SOX5: variants seen among roughly 807,000 people sequenced by gnomAD.
SOX5 encodes SRY-box transcription factor 5, also known as transcription factor SOX-5.
Under a neutral mutation model 92.0 loss-of-function variants are expected in SOX5, and 9 were observed. The observed-to-expected ratio is 0.10, with a 90% confidence interval of 0.06 to 0.17. SOX5 has a LOEUF of 0.17. Ranked by LOEUF, SOX5 falls within the 10% of genes least tolerant of loss-of-function variation. The pLI, the probability that SOX5 is intolerant of heterozygous loss-of-function variation, is 1.00. For missense variants in SOX5, 642 were observed against 944.5 expected (o/e 0.68, Z 4.20); for synonymous variants, 344 against 336.3 (o/e 1.02, Z -0.25).
chr12:24,330,947 G>A (rs961418333), intron 2 of SOX5, among the ~76,000 whole-genome samples: 1 of 152,230 alleles, frequency 6.6e-6, no homozygotes, highest in Admixed American at 6.5e-5. Flanking sequence ...TACAATGACT[G>A]ATGAAGCAGC....
intron 2 of SOX5, among the ~76,000 whole-genome samples, chr12:23,848,373 A>G (rs1012266369): frequency 1.3e-5 from 2 of 152,224 alleles, no homozygotes; most frequent in African/African-American, 4.8e-5. Context: ...AGTATATTTC[A>G]CAAGTATTCT....
At chr12:23,977,149 T>G (rs965598553) in intron 4 of SOX5, among the ~76,000 whole-genome samples, 2 of 152,218 alleles carry the variant, frequency 1.3e-5, no homozygotes, top group African/African-American at 4.8e-5. Flanking sequence ...CATCTATAAT[T>G]TAATGTAAAT....
intron 1 of SOX5, among the ~76,000 whole-genome samples, chr12:24,462,519 C>T (rs781281904): frequency 1.3e-5 from 2 of 152,156 alleles, no homozygotes; most frequent in Non-Finnish European, 2.9e-5. Context: ...GCTAAAGACT[C>T]ACATTTAAAT....
intron 1 of SOX5, among the ~76,000 whole-genome samples, chr12:24,525,862 A>T (rs546298836): frequency 6.6e-6 from 1 of 152,158 alleles, no homozygotes; most frequent in East Asian, 1.9e-4. Context: ...CTCAAAAAAA[A>T]AAAAGAGTAG....
chr12:23,950,010 C>T (rs138752910), upstream of SOX5, among the ~76,000 whole-genome samples: 2 of 151,854 alleles, frequency 1.3e-5, no homozygotes, highest in Non-Finnish European at 2.9e-5. Flanking sequence ...TCATTTAACA[C>T]GTCTCCCATA....
chr12:24,391,332 A>G (rs1158375528), intron 1 of SOX5, among the ~76,000 whole-genome samples: 1 of 152,170 alleles, frequency 6.6e-6, no homozygotes, highest in Non-Finnish European at 1.5e-5. Flanking sequence ...GTTTTGACCA[A>G]CTTAGATCCT....
At chr12:24,180,141 C>T (rs1203728032) in intron 4 of SOX5, among the ~76,000 whole-genome samples, 1 of 151,944 alleles carries the variant, frequency 6.6e-6, no homozygotes, top group Non-Finnish European at 1.5e-5. Flanking sequence ...ATGTTTTGTA[C>T]AGATGGGGTC....
chr12:24,030,772 A>G (rs1955415634), intron 4 of SOX5, among the ~76,000 whole-genome samples: 1 of 152,098 alleles, frequency 6.6e-6, no homozygotes, highest in South Asian at 2.1e-4. Flanking sequence ...GGAATGAGAG[A>G]CAATATTTGC....
intron 6 of SOX5, among the ~76,000 whole-genome samples, chr12:23,671,674 A>G (rs2084804193): frequency 6.6e-6 from 1 of 152,212 alleles, no homozygotes; most frequent in Admixed American, 6.5e-5. Context: ...GTCTTTAGGA[A>G]AAATTAAAAA....
At chr12:23,857,989 C>A (rs1407513216) in intron 2 of SOX5, among the ~76,000 whole-genome samples, 1 of 152,122 alleles carries the variant, frequency 6.6e-6, no homozygotes, top group Non-Finnish European at 1.5e-5. Context: ...CTGCCTCGGC[C>A]TCCCAAAGTG....
chr12:23,896,124 G>A (rs1403319509), intron 1 of SOX5, 100 bp from the exon 2 acceptor site: 7 of 798,374 alleles, frequency 8.8e-6, no homozygotes, highest in Non-Finnish European at 1.5e-5. Flanking sequence ...ATGCCTTTTT[G>A]TGCTAGCAGA....
At position 23,737,917 on chromosome 12, in the gene SOX5, A is replaced by ATTTAAAAGAATC. The variant is rs748876014; in HGVS notation, c.741+2949_741+2950insGATTCTTTTAAA. On this transcript the variant is annotated intron_variant, in intron 5 of 14. Transcript: ENST00000451604. The stretch of plus-strand genomic sequence containing the variant: ...CCCTGAGCACCCATTTTAAAAGAAC[A>ATTTAAAAGAATC]TATTCCCATAGATAATACCCTCATC... Among the ~76,000 whole-genome samples, 401 of 152,360 alleles carry ATTTAAAAGAATC rather than the reference A, an allele frequency of 2.6e-3. 3 individuals are homozygous for ATTTAAAAGAATC. The highest frequency in any genetic ancestry group is 0.01 in the Middle Eastern group (3 of 294).
intron 4 of SOX5, among the ~76,000 whole-genome samples, chr12:23,993,201 A>G (rs201823948): frequency 6.6e-6 from 1 of 152,192 alleles, no homozygotes; most frequent in East Asian, 1.9e-4. Context: ...TGAGATAGAT[A>G]ATCAATGAAA....
intron 1 of SOX5, among the ~76,000 whole-genome samples, chr12:24,530,938 T>C (rs1407074357): frequency 6.6e-6 from 1 of 152,174 alleles, no homozygotes; most frequent in Non-Finnish European, 1.5e-5. Flanking sequence ...ATGAATATCA[T>C]ATGATCTGGT....
In SOX5 at chr12:23,558,154, T is replaced by C. The variant is rs560316780; in HGVS notation, c.1488+5104A>G. On this transcript the variant is annotated intron_variant, in intron 11 of 14. Coordinates refer to ENST00000451604, the MANE Select transcript of SOX5 (RefSeq NM_006940.6). ...ATCGCCTGTTCCTACCCAGTAGCCA[T>C]TGCCCTTCTTTCCTTCCCAGCTAAC... Among the ~76,000 whole-genome samples the C allele has an allele frequency of 6.6e-5, 10 of 152,306 alleles. No individual in the cohort carries two copies. In the East Asian group the frequency reaches 1.5e-3, roughly 24 times the overall value.
intron 4 of SOX5, among the ~76,000 whole-genome samples, chr12:24,151,588 G>A (rs1362457760): frequency 6.6e-6 from 1 of 151,810 alleles, no homozygotes; most frequent in Non-Finnish European, 1.5e-5. Context: ...GTTTTGTTTT[G>A]TTTTTTAAGA....
intron 3 of SOX5, among the ~76,000 whole-genome samples, chr12:23,797,506 C>T (rs1247504691): frequency 6.6e-6 from 1 of 151,864 alleles, no homozygotes; most frequent in African/African-American, 2.4e-5. Flanking sequence ...CATTTGCACC[C>T]CTCTCGCCCT....
intron 1 of SOX5, among the ~76,000 whole-genome samples, chr12:24,438,546 C>T (rs1324867676): frequency 6.6e-6 from 1 of 152,090 alleles, no homozygotes; most frequent in Non-Finnish European, 1.5e-5. Context: ...ATTCACCATT[C>T]TAGATGCCAT....
chr12:24,546,700 G>C (rs577411225), intron 1 of SOX5, among the ~76,000 whole-genome samples: 3 of 152,312 alleles, frequency 2.0e-5, no homozygotes, highest in East Asian at 3.9e-4. Flanking sequence ...ATAAGTGGGT[G>C]CTCTGTTGGC....
Sources: allele counts gnomAD v4.1 joint callset (sites outside exome capture counted in the v4.1 genomes callset), GRCh38; gene constraint gnomAD v4.1.1; transcripts MANE v1.5; gene names NCBI Gene and HGNC (gene_info 2026-07-23, HGNC 2026-07-21).